Variants in NCOA4 observed in about 807,000 individuals in gnomAD.
The protein encoded by NCOA4 is 70 kDa AR-activator.
NCOA4 carries 31 observed loss-of-function variants against 69.5 expected under a neutral mutation model. The observed-to-expected ratio is 0.45, with a 90% CI of 0.34 to 0.60. NCOA4 has a LOEUF of 0.60. Among genes scored for constraint, NCOA4 ranks in the 20% least tolerant of loss-of-function variants. The pLI, the probability that NCOA4 is intolerant of heterozygous loss-of-function variation, is 0.02. For synonymous variants in NCOA4, 228 were observed against 252.4 expected, an observed-to-expected ratio of 0.90 and a Z score of 0.92; for missense variants, 600 against 719.2, an observed-to-expected ratio of 0.83 and a Z score of 1.90.
intron 4 of NCOA4, 128 bp downstream of exon 4, chr10:46,014,726 G>T: frequency 1.2e-6 from 1 of 810,822 alleles, no homozygotes; most frequent in Non-Finnish European, 2.0e-6. Flanking sequence ...AATACATGAA[G>T]CAGAATGATC....
At chr10:46,023,561 G>C in intron 1 of NCOA4, 1 of 977,300 alleles carries the variant, frequency 1.0e-6, no homozygotes, top group Non-Finnish European at 1.2e-6. Context: ...GCTGGCGCTC[G>C]CGGCCCCCCT....
chr10:46,023,269 A>G, intron 1 of NCOA4: 9 of 985,180 alleles, frequency 9.1e-6, no homozygotes, highest in Non-Finnish European at 1.1e-5. Context: ...GCCCGGCGCC[A>G]GCCCTGCAAG....
Position 46,013,648 on chromosome 10 carries a change from T to TA in NCOA4, c.481-10dup. ...AAGTGCTCAGGAATTTGCTACAAAATAGAGATAATTTAATCATGTTATTTA... is the reference window on the plus strand; with the variant it reads ...AAGTGCTCAGGAATTTGCTACAAAATAAGAGATAATTTAATCATGTTATTTA... On this transcript the variant is annotated splice_polypyrimidine_tract_variant and intron_variant, in intron 5 of 9. Coordinates refer to ENST00000581486, the MANE Select transcript of NCOA4 (RefSeq NM_001145263.2). 6.3e-7 allele frequency: 1 copy of TA among 1,582,282 alleles called. No homozygotes were observed. The highest frequency in any genetic ancestry group is 8.6e-7 in the Non-Finnish European group (1 of 1,158,574).
At chr10:46,022,696 A>G (rs1325269903) in intron 1 of NCOA4, among the ~76,000 whole-genome samples, 7 of 152,086 alleles carry the variant, frequency 4.6e-5, no homozygotes, top group Admixed American at 4.6e-4. Flanking sequence ...CGATCTCCTG[A>G]CCTCGTGATC....
chr10:46,012,590 T>C (rs1161995968), intron 7 of NCOA4, among the ~76,000 whole-genome samples: 4 of 151,862 alleles, frequency 2.6e-5, no homozygotes, highest in Non-Finnish European at 5.9e-5. Context: ...TTAAAATATG[T>C]ATGTATAGAA....
intron 1 of NCOA4, among the ~76,000 whole-genome samples, chr10:46,027,250 CAG>C (rs1377401582): frequency 6.8e-5 from 8 of 117,360 alleles, no homozygotes; most frequent in Non-Finnish European, 1.1e-4. Flanking sequence ...AGCCTCCTGA[CAG>C]AGCAAGACTC....
rs1217316922 is a variant in NCOA4 at position 46,027,321 on chromosome 10, T to C, written c.-15+3205A>G. On this transcript the variant is annotated intron_variant, in intron 1 of 9. Coordinates refer to ENST00000581486, the MANE Select transcript of NCOA4 (RefSeq NM_001145263.2). ...TAAGACTTAAGACTGTAGTCATTCA[T>C]ATCAGAAGTTAAGCATTGCAATGTT... The C allele has an allele frequency of 3.7e-6, 3 of 814,990 alleles. No individual in the cohort carries two copies. The African/African-American group carries it at 5.3e-5, about 14-fold the overall frequency. 50.5% of individuals were successfully genotyped at this position (814,990 alleles called of 1,614,324 possible).
chr10:46,027,974 A>G (rs907397560), intron 1 of NCOA4, among the ~76,000 whole-genome samples: 7 of 152,238 alleles, frequency 4.6e-5, no homozygotes, highest in Admixed American at 2.0e-4. Context: ...GATATAACAA[A>G]GAAAGACATA....
intron 1 of NCOA4, among the ~76,000 whole-genome samples, chr10:46,027,130 G>T (rs139234364): frequency 0.034 from 5,210 of 152,066 alleles, 308 homozygotes; most frequent in African/African-American, 0.12. Flanking sequence ...AATTAGCTGG[G>T]CGTTGTGGCG....
chr10:46,019,534 CAATAA>C (rs1839751688), intron 1 of NCOA4: 1 of 984,992 alleles, frequency 1.0e-6, no homozygotes, highest in African/African-American at 1.7e-5. Context: ...AAAATTGAAT[CAATAA>C]AATTAAATTG....
chr10:46,007,913 G>A (rs1172925500), intron 9 of NCOA4, among the ~76,000 whole-genome samples: 1 of 152,090 alleles, frequency 6.6e-6, no homozygotes, highest in Non-Finnish European at 1.5e-5. Context: ...TGAAGCCAGT[G>A]CTTCAATCCT....
intron 1 of NCOA4, among the ~76,000 whole-genome samples, chr10:46,027,268 C>CAAAAAAA (rs34282889): frequency 2.5e-5 from 2 of 79,670 alleles, no homozygotes; most frequent in Admixed American, 1.4e-4. Context: ...GACTCCGTCT[C>CAAAAAAA]AAAAAAAAAA....
intron 1 of NCOA4, among the ~76,000 whole-genome samples, chr10:46,022,686 C>G (rs1839955055): frequency 6.6e-6 from 1 of 152,090 alleles, no homozygotes; most frequent in African/African-American, 2.4e-5. Flanking sequence ...AGGATGGTCT[C>G]GATCTCCTGA....
intron 9 of NCOA4, among the ~76,000 whole-genome samples, chr10:46,007,579 C>CCCT (rs1838911042): frequency 8.0e-6 from 1 of 125,674 alleles, no homozygotes; most frequent in Admixed American, 8.4e-5. Context: ...CAGCCAGTGA[C>CCCT]TCTTTTTTTT....
Position 46,014,924 on chromosome 10 carries a change from A to C in NCOA4, c.301T>G (p.Cys101Gly), listed in dbSNP as rs782397954. The C allele has an allele frequency of 1.2e-6, 2 of 1,614,080 alleles. No individual in the cohort carries two copies. The highest frequency in any genetic ancestry group is 2.2e-5 in the South Asian group (2 of 91,058). ...GTACACTCCAGTTGATGAGTAAGAC[A>C]ATTGAACTGGCCCAATAACTAAAAG... is the stretch of plus-strand genomic sequence containing the variant. ...QLYSLLGQFN[C>G]LTHQLECTQN... The change falls in exon 4 of 10, where the codon TGT (cysteine) becomes GGT (glycine). Residue 101 changes from cysteine (C) to glycine (G), a missense_variant. Physicochemically the swap from Cys to Gly is radical, Grantham distance 159 (BLOSUM62 -3). Coordinates refer to ENST00000581486, the MANE Select transcript of NCOA4 (RefSeq NM_001145263.2).
intron 1 of NCOA4, among the ~76,000 whole-genome samples, chr10:46,017,482 C>G (rs1839629867): frequency 1.3e-5 from 2 of 152,258 alleles, no homozygotes; most frequent in East Asian, 3.9e-4. Flanking sequence ...GAGTTCGCAG[C>G]TGCAGTGAGC....
At chr10:46,009,239 T>A in intron 9 of NCOA4, 172 bp downstream of exon 9, 2 of 1,522,534 alleles carry the variant, frequency 1.3e-6, no homozygotes, top group Non-Finnish European at 1.8e-6. Context: ...GCAAATTCAA[T>A]TAAAATACAT....
intron 4 of NCOA4, 75 bp downstream of exon 4, chr10:46,014,779 G>C: frequency 1.6e-6 from 2 of 1,213,166 alleles, no homozygotes; most frequent in Non-Finnish European, 1.2e-6. Flanking sequence ...CAAGCAATGA[G>C]TTACAAAATC....
intron 1 of NCOA4, among the ~76,000 whole-genome samples, chr10:46,018,542 C>T (rs1485428722): frequency 6.6e-6 from 1 of 152,156 alleles, no homozygotes; most frequent in South Asian, 2.1e-4. Context: ...GAAGAGGACA[C>T]TTAGAAAAGG....
Sources: allele counts gnomAD v4.1 joint callset (sites outside exome capture counted in the v4.1 genomes callset), GRCh38; gene constraint gnomAD v4.1.1; transcripts MANE v1.5; gene names NCBI Gene and HGNC (gene_info 2026-07-23, HGNC 2026-07-21).